Variants in SRFBP1 observed in about 807,000 individuals in gnomAD.
SRFBP1 encodes serum response factor binding protein 1, also known as serum response factor-binding protein 1.
In SRFBP1, 47 loss-of-function variants were observed where a neutral mutation model predicts 45.5. That is an observed-to-expected ratio of 1.03 (90% CI 0.82 to 1.32). The LOEUF (loss-of-function observed/expected upper bound fraction) is 1.32, where lower values mean the gene tolerates loss of function less well. Ranked by LOEUF, SRFBP1 falls within the 40% of genes most tolerant of loss-of-function variation. The pLI, the probability that SRFBP1 is intolerant of heterozygous loss-of-function variation, is 0.00. For synonymous variants in SRFBP1, 203 were observed against 166.3 expected, an observed-to-expected ratio of 1.22 and a Z score of -1.70; for missense variants, 621 against 484.6, an observed-to-expected ratio of 1.28 and a Z score of -2.64.
At chr5:122,033,099 T>A (rs533131119), downstream of SRFBP1, among the ~76,000 whole-genome samples, 9 of 152,276 alleles carry the variant, frequency 5.9e-5, no homozygotes, top group Admixed American at 2.0e-4. Flanking sequence ...TACTTTTTAA[T>A]GTTTAAGGAC....
chr5:122,058,606 A>G (rs745936043), intron 2 of SRFBP1, among the ~76,000 whole-genome samples: 2 of 151,296 alleles, frequency 1.3e-5, no homozygotes, highest in Non-Finnish European at 2.9e-5. Flanking sequence ...GCAACAACTC[A>G]TTAAATATTT....
chr5:122,054,128 T>C (rs1188368325), intron 2 of SRFBP1, among the ~76,000 whole-genome samples: 1 of 152,156 alleles, frequency 6.6e-6, no homozygotes, highest in African/African-American at 2.4e-5. Context: ...ACTGATCTGC[T>C]CCAGGGCCCA....
chr5:122,054,407 C>G (rs956106620), intron 2 of SRFBP1, among the ~76,000 whole-genome samples: 3 of 152,216 alleles, frequency 2.0e-5, no homozygotes, highest in Non-Finnish European at 2.9e-5. Context: ...TTGTGTTCCC[C>G]TGCTGACTTG....
downstream of SRFBP1, chr5:122,077,767 G>A (rs752995014): frequency 1.3e-6 from 2 of 1,551,522 alleles, no homozygotes; most frequent in Admixed American, 1.9e-5. The surrounding 1 kb of genome is among the most constrained non-coding windows in gnomAD (Gnocchi z 4.9). Context: ...GGACGGCGGC[G>A]CCCGGGTCCC....
At chr5:121,998,089 T>C (rs111936329) in intron 4 of SRFBP1, among the ~76,000 whole-genome samples, 1 of 151,954 alleles carries the variant, frequency 6.6e-6, no homozygotes, top group Non-Finnish European at 1.5e-5. Flanking sequence ...AGTTCAACCA[T>C]TGTGGAAGTC....
At chr5:122,044,627 T>C (rs1753826242) in intron 2 of SRFBP1, among the ~76,000 whole-genome samples, 2 of 152,230 alleles carry the variant, frequency 1.3e-5, no homozygotes, top group Non-Finnish European at 2.9e-5. Context: ...CATTTTTTCA[T>C]ATGCTTGTTG....
At chr5:122,030,691 G>A (rs901773812), downstream of SRFBP1, among the ~76,000 whole-genome samples, 17 of 151,728 alleles carry the variant, frequency 1.1e-4, no homozygotes, top group African/African-American at 3.9e-4. Flanking sequence ...AGTTAAAATA[G>A]CGTCTTTAAT....
chr5:122,031,427 A>G (rs573406756), downstream of SRFBP1, among the ~76,000 whole-genome samples: 2 of 152,336 alleles, frequency 1.3e-5, no homozygotes, highest in South Asian at 4.1e-4. Context: ...GGAAGCCCAG[A>G]CTTCACACTT....
intron 4 of SRFBP1, among the ~76,000 whole-genome samples, chr5:122,014,171 A>G (rs1402146799): frequency 6.6e-6 from 1 of 152,024 alleles, no homozygotes; most frequent in Non-Finnish European, 1.5e-5. Flanking sequence ...GTCAAAATAA[A>G]ACAGAAAACA....
At chr5:122,038,997 C>T (rs943031289) in intron 2 of SRFBP1, among the ~76,000 whole-genome samples, 2 of 152,116 alleles carry the variant, frequency 1.3e-5, no homozygotes, top group African/African-American at 4.8e-5. Flanking sequence ...AAGAGGATGG[C>T]TCTAGTGCTT....
chr5:122,052,706 C>G (rs182311981), intron 2 of SRFBP1, among the ~76,000 whole-genome samples: 9 of 152,296 alleles, frequency 5.9e-5, no homozygotes, highest in Non-Finnish European at 1.2e-4. Flanking sequence ...TCCTCAACCT[C>G]AATGATCTTC....
At position 122,020,706 on chromosome 5, in the gene SRFBP1, G is replaced by A. The variant is rs1413439831; in HGVS notation, c.971G>A (p.Gly324Glu). 1 of 1,612,792 alleles carries A rather than the reference G, an allele frequency of 6.2e-7. No individual in the cohort carries two copies. The highest frequency in any genetic ancestry group is 8.5e-7 in the Non-Finnish European group (1 of 1,179,710). ...AAAGAAGATACAGGTGAAACTCATG[G>A]GGATACAAGAAATGACAAAATCAAG... Reference protein sequence around the residue: ...FLKEDTGETHGDTRNDKIKPS... With the variant: ...FLKEDTGETHEDTRNDKIKPS... The change falls in exon 6 of 8, where the codon GGG becomes GAG. Residue 324 changes from glycine to glutamate, a missense_variant. Coordinates refer to ENST00000339397, the MANE Select transcript of SRFBP1 (RefSeq NM_152546.3).
intron 4 of SRFBP1, among the ~76,000 whole-genome samples, chr5:121,998,673 A>AT (rs1249982155): frequency 6.6e-6 from 1 of 151,746 alleles, no homozygotes; most frequent in Admixed American, 6.6e-5. Flanking sequence ...AAAAAAAAAA[A>AT]AAACTAAGAT....
At chr5:121,984,044 CT>C (rs1752469970) in intron 3 of SRFBP1, among the ~76,000 whole-genome samples, 1 of 151,774 alleles carries the variant, frequency 6.6e-6, no homozygotes, top group South Asian at 2.1e-4. Context: ...ATTGCTCATT[CT>C]TACCTATGGT....
intron 3 of SRFBP1, among the ~76,000 whole-genome samples, chr5:121,993,378 G>T (rs901737322): frequency 2.6e-5 from 4 of 152,092 alleles, no homozygotes; most frequent in Non-Finnish European, 4.4e-5. Flanking sequence ...GATTCTGATG[G>T]TCTTGTTTAA....
intron 3 of SRFBP1, among the ~76,000 whole-genome samples, chr5:121,975,882 T>G (rs1172939414): frequency 1.3e-5 from 2 of 150,376 alleles, no homozygotes; most frequent in Admixed American, 1.3e-4. Flanking sequence ...ATATTTTTGT[T>G]TTTTTTTTCA....
intron 2 of SRFBP1, among the ~76,000 whole-genome samples, chr5:122,073,079 C>G (rs144674665): frequency 1.2e-4 from 19 of 152,136 alleles, no homozygotes; most frequent in African/African-American, 4.6e-4. Flanking sequence ...GCAATGGTAA[C>G]ATTTAGGTCA....
At chr5:122,007,655 G>T (rs905952391) in intron 4 of SRFBP1, among the ~76,000 whole-genome samples, 2 of 151,528 alleles carry the variant, frequency 1.3e-5, no homozygotes, top group Non-Finnish European at 2.9e-5. Context: ...TGCACCCTGG[G>T]TCTGTGTTGG....
intron 2 of SRFBP1, among the ~76,000 whole-genome samples, chr5:122,068,047 T>G (rs1410657842): frequency 6.6e-6 from 1 of 152,052 alleles, no homozygotes; most frequent in Non-Finnish European, 1.5e-5. Flanking sequence ...CCACTCAGAA[T>G]AAGTATGACA....
Sources: allele counts gnomAD v4.1 joint callset (sites outside exome capture counted in the v4.1 genomes callset), GRCh38; gene constraint gnomAD v4.1.1; non-coding constraint Gnocchi (gnomAD v3.1); transcripts MANE v1.5; gene names NCBI Gene and HGNC (gene_info 2026-07-23, HGNC 2026-07-21).